The following PTPRN2 variants were observed in gnomAD, a reference collection of about 807,000 sequenced individuals.
PTPRN2 encodes protein tyrosine phosphatase receptor type N2.
In PTPRN2, 74 loss-of-function variants were observed where a neutral mutation model predicts 118.8. The observed-to-expected ratio is 0.62, with a 90% CI of 0.52 to 0.76. The LOEUF (loss-of-function observed/expected upper bound fraction) is 0.76, where lower values mean the gene tolerates loss of function less well. PTPRN2 is among the 30% of genes least tolerant of loss of function. The pLI is 0.00. For missense variants in PTPRN2, 1,481 were observed against 1,394.4 expected, an observed-to-expected ratio of 1.06 and a Z score of -0.99; for synonymous variants, 641 against 608.0, an observed-to-expected ratio of 1.05 and a Z score of -0.80.
intron 1 of PTPRN2, among the ~76,000 whole-genome samples, chr7:158,491,966 G>A (rs867549415): frequency 3.9e-5 from 6 of 152,178 alleles, no homozygotes; most frequent in African/African-American, 1.4e-4. Context: ...ACAGCAGGAG[G>A]AGAGGCAGAC....
intron 2 of PTPRN2, among the ~76,000 whole-genome samples, chr7:158,432,018 A>G (rs1320129747): frequency 2.6e-5 from 4 of 152,204 alleles, no homozygotes; most frequent in African/African-American, 4.8e-5. Flanking sequence ...TCAGAGTCCA[A>G]TCCACTCTAA....
At chr7:158,311,407 C>T (rs1439430858) in intron 3 of PTPRN2, among the ~76,000 whole-genome samples, 2 of 151,932 alleles carry the variant, frequency 1.3e-5, no homozygotes, top group East Asian at 1.9e-4. Flanking sequence ...TGCATGCCAA[C>T]GAGTGACATT....
chr7:158,467,135 G>A (rs1436850939), intron 2 of PTPRN2, among the ~76,000 whole-genome samples: 1 of 152,062 alleles, frequency 6.6e-6, no homozygotes, highest in Non-Finnish European at 1.5e-5. Context: ...AAGTCACTGG[G>A]GCTCTGATGT....
chr7:158,239,815 C>T (rs118110798), intron 3 of PTPRN2, among the ~76,000 whole-genome samples: 2,151 of 152,300 alleles, frequency 0.014, 26 homozygotes, highest in Non-Finnish European at 0.024. Flanking sequence ...GCTTCCTCCA[C>T]GCCCATTGGG....
At chr7:157,686,233 T>C (rs1435683935) in intron 12 of PTPRN2, among the ~76,000 whole-genome samples, 1 of 151,864 alleles carries the variant, frequency 6.6e-6, no homozygotes, top group African/African-American at 2.4e-5. Context: ...AAGAAAGAGG[T>C]CTTCCCTCCA....
At chr7:158,246,421 T>C (rs1411759497) in intron 3 of PTPRN2, among the ~76,000 whole-genome samples, 1 of 151,144 alleles carries the variant, frequency 6.6e-6, no homozygotes, top group Non-Finnish European at 1.5e-5. Flanking sequence ...AGAAGACGGC[T>C]CTCACTGCCC....
intron 3 of PTPRN2, among the ~76,000 whole-genome samples, chr7:158,309,025 A>AT (rs1801501996): frequency 6.6e-6 from 1 of 152,236 alleles, no homozygotes; most frequent in African/African-American, 2.4e-5. Context: ...GATGGCTTCC[A>AT]TTTGCAATAG....
intron 10 of PTPRN2, among the ~76,000 whole-genome samples, chr7:158,082,920 G>A (rs1812949680): frequency 1.3e-5 from 2 of 152,206 alleles, no homozygotes; most frequent in Non-Finnish European, 1.5e-5. Context: ...TGTCTACGGT[G>A]CCTCGGCTGG....
intron 1 of PTPRN2, among the ~76,000 whole-genome samples, chr7:158,558,392 C>T (rs1360759503): frequency 6.6e-6 from 1 of 152,188 alleles, no homozygotes; most frequent in African/African-American, 2.4e-5. Flanking sequence ...TGGCCATGTT[C>T]TCTTCTTTAG....
intron 2 of PTPRN2, among the ~76,000 whole-genome samples, chr7:158,317,392 G>A (rs1268663709): frequency 6.6e-6 from 1 of 152,250 alleles, no homozygotes; most frequent in Non-Finnish European, 1.5e-5. Flanking sequence ...TCCCTGGGCT[G>A]CGTGGGAGGC....
chr7:157,948,556 G>C (rs944069906), intron 11 of PTPRN2, among the ~76,000 whole-genome samples: 6 of 152,192 alleles, frequency 3.9e-5, no homozygotes, highest in African/African-American at 7.2e-5. Context: ...AAAGGTGTAA[G>C]ACATACAGAA....
intron 11 of PTPRN2, among the ~76,000 whole-genome samples, chr7:158,073,692 T>C (rs1413628362): frequency 6.6e-6 from 1 of 152,058 alleles, no homozygotes; most frequent in African/African-American, 2.4e-5. Context: ...ATGAGGCCGC[T>C]TCCTACTAAG....
rs1480005392 is a variant in PTPRN2 at position 157,639,603 on chromosome 7, G to C, written c.2196+16754C>G. On this transcript the variant is annotated intron_variant, in intron 14 of 22. Coordinates refer to ENST00000389418, the MANE Select transcript of PTPRN2 (RefSeq NM_002847.5). ...CTGAAGGAGAAAGTGAAACTGGAATGGGGGATGTGCGGCCTGAAGCCGCTC... is the reference window on the plus strand; with the variant it reads ...CTGAAGGAGAAAGTGAAACTGGAATCGGGGATGTGCGGCCTGAAGCCGCTC... Among the ~76,000 whole-genome samples, 6 of 152,250 alleles carry C rather than the reference G, an allele frequency of 3.9e-5. No homozygotes were observed. In the South Asian group the frequency reaches 1.2e-3, roughly 31 times the overall value.
At position 157,622,033 on chromosome 7, in the gene PTPRN2, A is replaced by G. The variant is rs1803283216; in HGVS notation, c.2197-524T>C. 6.6e-6 allele frequency among the ~76,000 whole-genome samples: 1 copy of G among 152,070 alleles called. No homozygotes were observed. The highest frequency in any genetic ancestry group is 2.1e-4 in the South Asian group (1 of 4,822). On this transcript the variant is annotated intron_variant, in intron 14 of 22. Coordinates refer to ENST00000389418, the MANE Select transcript of PTPRN2 (RefSeq NM_002847.5). The surrounding 1 kb of genome is among the most constrained non-coding windows in gnomAD (Gnocchi z 5.3). Reference sequence around the variant, plus strand: ...TTTAACCCTTGGCTGTTTCGATCTTAATTTTTCTGGTGCTTGTCGTTGAGC... The same window carrying G: ...TTTAACCCTTGGCTGTTTCGATCTTGATTTTTCTGGTGCTTGTCGTTGAGC...
intron 12 of PTPRN2, among the ~76,000 whole-genome samples, chr7:157,825,570 C>T (rs1807120180): frequency 6.6e-6 from 1 of 152,234 alleles, no homozygotes; most frequent in South Asian, 2.1e-4. Flanking sequence ...CAAAATGCCA[C>T]GTCAGTGTAT....
Position 158,570,178 on chromosome 7 carries a change from C to T in PTPRN2, c.112+17380G>A, listed in dbSNP as rs1262220105. On this transcript the variant is annotated intron_variant, in intron 1 of 22. Transcript: ENST00000389418. This position sits in a 1 kb window ranked among gnomAD's most constrained non-coding sequence, Gnocchi z 4.5. ...CTGCAGGCCGACCTGGGCAGCCAGG[C>T]GGGGAGCGCGCAGCCACAGCCCGCG... 6.6e-6 allele frequency among the ~76,000 whole-genome samples: 1 copy of T among 152,150 alleles called. No individual in the cohort carries two copies. Among genetic ancestry groups the T allele is most frequent in the African/African-American group, 2.4e-5 (1 of 41,444 alleles).
intron 2 of PTPRN2, among the ~76,000 whole-genome samples, chr7:158,337,186 G>C (rs28447008): frequency 0.027 from 3,102 of 115,406 alleles, 1 homozygote; most frequent in African/African-American, 0.085. Context: ...CACTCACACC[G>C]ACACTCTCAC....
At chr7:158,009,132 G>A (rs548199173) in intron 11 of PTPRN2, among the ~76,000 whole-genome samples, 6 of 152,124 alleles carry the variant, frequency 3.9e-5, no homozygotes, top group African/African-American at 9.6e-5. Flanking sequence ...CCTGGTGCCC[G>A]TGACCGACCC....
In PTPRN2 at chr7:157,690,249, C is replaced by A. The variant is rs550951337; in HGVS notation, c.1789-7312G>T. Among the ~76,000 whole-genome samples the A allele has an allele frequency of 6.6e-6, 1 of 152,208 alleles. No homozygotes were observed. The highest frequency in any genetic ancestry group is 1.5e-5 in the Non-Finnish European group (1 of 68,026). On this transcript the variant is annotated intron_variant, in intron 12 of 22. Transcript: ENST00000389418. This position sits in a 1 kb window ranked among gnomAD's most constrained non-coding sequence, Gnocchi z 7.1. ...CTCCTCCTCACAGGCCCACCCTAGA[C>A]CCACTTGGGGATGATCCCAGGCGCA... is the stretch of plus-strand genomic sequence containing the variant.
Sources: gnomAD v4.1 joint callset for allele counts (sites outside exome capture counted in the v4.1 genomes callset) on GRCh38, gnomAD v4.1.1 for gene constraint, Gnocchi (gnomAD v3.1) non-coding constraint, MANE v1.5 for transcripts, NCBI Gene and HGNC (gene_info 2026-07-23, HGNC 2026-07-21) for gene names.